The following DHTKD1 variants were observed in gnomAD, a reference collection of about 807,000 sequenced individuals.
The protein encoded by DHTKD1 is 2-oxoadipate dehydrogenase complex component E1.
DHTKD1 carries 78 observed loss-of-function variants against 101.8 expected under a neutral mutation model. The observed-to-expected ratio is 0.77, with a 90% CI of 0.64 to 0.93. The LOEUF (loss-of-function observed/expected upper bound fraction) is 0.93. Among genes scored for constraint, DHTKD1 ranks in the 40% least tolerant of loss-of-function variants. The pLI, the probability that DHTKD1 is intolerant of heterozygous loss-of-function variation, is 0.00. For missense variants in DHTKD1, 1,223 were observed against 1,161.7 expected (o/e 1.05, Z -0.77); for synonymous variants, 462 against 450.3 (o/e 1.03, Z -0.33).
rs1342282640 is a variant in DHTKD1 at position 12,097,896 on chromosome 10, C to T, written c.1571C>T (p.Thr524Ile). 1 of 1,614,092 alleles carries T rather than the reference C, an allele frequency of 6.2e-7. No individual in the cohort carries two copies. ...QPEAQITTWS[T>I]GVPLDLLRFV... ...GAAGCGCAAATCACCACCTGGAGTA[C>T]AGGTGTGCCCCTCGACCTCCTGCGG... Residue 524 changes from threonine to isoleucine, a missense_variant, in exon 8 of 17, where the codon ACA becomes ATA. Coordinates refer to ENST00000263035, the MANE Select transcript of DHTKD1 (RefSeq NM_018706.7).
At chr10:12,106,152 C>G (rs575031270) in intron 10 of DHTKD1, 94 bp from the exon 11 acceptor site, 5 of 1,310,642 alleles carry the variant, frequency 3.8e-6, no homozygotes, top group Non-Finnish European at 5.4e-6. Context: ...GCAAGGCTCC[C>G]TCTCCGCACC....
intron 1 of DHTKD1, 75 bp downstream of exon 1, chr10:12,069,262 T>G: frequency 1.0e-5 from 11 of 1,055,598 alleles, no homozygotes; most frequent in Admixed American, 3.9e-5. Context: ...TGCGGTGGGG[T>G]GTCGGGGTCG....
chr10:12,070,254 C>T lies in DHTKD1; in HGVS notation c.154+1067C>T, dbSNP rs183785637. ...AGACTAATTTTGAGTATTTGGTTTA[C>T]GCTCCAAAATTATTGTATCATTATT... On this transcript the variant is annotated intron_variant, in intron 1 of 16. Coordinates refer to ENST00000263035, the MANE Select transcript of DHTKD1 (RefSeq NM_018706.7). Among the ~76,000 whole-genome samples the T allele has an allele frequency of 1.1e-4, 17 of 152,226 alleles. No homozygotes were observed. In the South Asian group the frequency reaches 1.2e-3, roughly 11 times the overall value.
chr10:12,090,409 TTTCC>T (rs1459283547), intron 5 of DHTKD1, among the ~76,000 whole-genome samples: 2 of 16,062 alleles, frequency 1.2e-4, no homozygotes, highest in East Asian at 1.4e-3. Flanking sequence ...TCCTTCCTTT[TTTCC>T]TTCCTTCCTT....
At position 12,093,923 on chromosome 10, in the gene DHTKD1, C is replaced by A. The variant is rs879165011; in HGVS notation, c.1160-150C>A. ...CAATAAGTCCCAGAGTTGGAACTTG[C>A]CAGCTGGTCTCCAAAGCTGGGGTTG... On this transcript the variant is annotated intron_variant, in intron 6 of 16. Coordinates refer to ENST00000263035, the MANE Select transcript of DHTKD1 (RefSeq NM_018706.7). 6.1e-5 allele frequency: 41 copies of A among 677,578 alleles called. 1 individual carries two copies. In the South Asian group the frequency reaches 6.7e-4, roughly 11 times the overall value. The allele number at this position is 677,578 out of a possible 1,614,324, so 42.0% of individuals were successfully genotyped here.
chr10:12,116,821 T>C (rs1482354988), intron 13 of DHTKD1, among the ~76,000 whole-genome samples: 2 of 151,858 alleles, frequency 1.3e-5, no homozygotes, highest in Non-Finnish European at 2.9e-5. Flanking sequence ...CACCTCATCC[T>C]CCTGAGTAGC....
chr10:12,104,509 A>C (rs979468220), intron 10 of DHTKD1, among the ~76,000 whole-genome samples: 1 of 152,202 alleles, frequency 6.6e-6, no homozygotes, highest in Non-Finnish European at 1.5e-5. Context: ...ATATTCTATA[A>C]AGATGTAGCT....
chr10:12,069,866 G>A (rs12264661), intron 1 of DHTKD1, among the ~76,000 whole-genome samples: 1 of 151,758 alleles, frequency 6.6e-6, no homozygotes, highest in African/African-American at 2.4e-5. Context: ...ATGAGGCGGA[G>A]CTGTGGGAGA....
At chr10:12,092,486 C>A (rs975210544) in intron 6 of DHTKD1, among the ~76,000 whole-genome samples, 9 of 151,984 alleles carry the variant, frequency 5.9e-5, no homozygotes, top group African/African-American at 2.2e-4. Flanking sequence ...AACCACTAAA[C>A]TTGGTGAAAT....
chr10:12,118,222 T>A (rs1237992841), intron 14 of DHTKD1, among the ~76,000 whole-genome samples: 1 of 151,254 alleles, frequency 6.6e-6, no homozygotes, highest in Non-Finnish European at 1.5e-5. Flanking sequence ...GTCAGTGGAG[T>A]ATGAGTTAAG....
rs1833143281 is a variant in DHTKD1 at position 12,100,287 on chromosome 10, G to GTTTTTTTGTTTTTTTTTT, written c.1756+32_1756+33insGTTTTTTTTTTTTTTTTT. On this transcript the variant is annotated intron_variant, in intron 9 of 16. Coordinates refer to ENST00000263035, the MANE Select transcript of DHTKD1 (RefSeq NM_018706.7). ...GGTAAGAATTTTCTTTTTTTTTTCT[G>GTTTTTTTGTTTTTTTTTT]TTTTTTTTTTTTTTGAGTCTCACCC... 2.6e-5 allele frequency: 7 copies of GTTTTTTTGTTTTTTTTTT among 272,276 alleles called. 1 individual carries two copies. The highest frequency in any genetic ancestry group is 4.3e-5 in the Non-Finnish European group (7 of 164,372). The allele number at this position is 272,276 out of a possible 1,614,324, so 16.9% of individuals were successfully genotyped here.
intron 10 of DHTKD1, among the ~76,000 whole-genome samples, chr10:12,104,211 C>T (rs562114946): frequency 7.4e-4 from 112 of 152,292 alleles, no homozygotes; most frequent in Admixed American, 3.1e-3. Flanking sequence ...CCAAGTCTTG[C>T]TCTGTTGCCC....
rs143069945 is a variant in DHTKD1, at chr10:12,089,048, C to T, written c.780C>T (p.Asp260=). The T allele has an allele frequency of 2.9e-5, 47 of 1,613,722 alleles. No individual in the cohort carries two copies. Among genetic ancestry groups the T allele is most frequent in the South Asian group, 2.2e-4 (20 of 91,084 alleles). The change falls in exon 5 of 17, where the codon GAC becomes GAT. Residue 260 remains aspartate (D), a synonymous_variant. Coordinates refer to ENST00000263035, the MANE Select transcript of DHTKD1 (RefSeq NM_018706.7). ...EFPENFSATG[D]VLSHLTSSVD... is the part of the protein sequence containing the mutation. ...CAGAGAATTTCTCAGCCACTGGAGA[C>T]GTCCTGTCTCACCTGACCTCCTCTG...
At chr10:12,094,301 C>T (rs758731841) in intron 7 of DHTKD1, 30 bp downstream of exon 7, 2 of 1,582,266 alleles carry the variant, frequency 1.3e-6, no homozygotes, top group East Asian at 2.2e-5. Flanking sequence ...TGTGATATGC[C>T]CCCTAAAAAT....
chr10:12,076,819 C>T lies in DHTKD1; in HGVS notation c.155-4653C>T, dbSNP rs550885685. Among the ~76,000 whole-genome samples, 426 of 151,892 alleles carry T rather than the reference C, an allele frequency of 2.8e-3. 5 individuals are homozygous for T. The highest frequency in any genetic ancestry group is 8.3e-3 in the African/African-American group (345 of 41,480). On this transcript the variant is annotated intron_variant, in intron 1 of 16. Coordinates refer to ENST00000263035, the MANE Select transcript of DHTKD1 (RefSeq NM_018706.7). Reference sequence around the variant, plus strand: ...GACTACAGGTGCCCGCCACCACGCCCGGCTAATTTTTTGTATTTTTAGTAG... The same window carrying T: ...GACTACAGGTGCCCGCCACCACGCCTGGCTAATTTTTTGTATTTTTAGTAG...
intron 3 of DHTKD1, 23 bp downstream of exon 3, chr10:12,084,774 G>T (rs1832873977): frequency 6.2e-7 from 1 of 1,608,680 alleles, no homozygotes; most frequent in African/African-American, 1.3e-5. Flanking sequence ...ATCTAGGCCG[G>T]GCACGGTGGC....
Position 12,089,240 on chromosome 10 carries a change from G to T in DHTKD1, c.972G>T (p.Arg324Ser). ...ACAACTCAGCCCAGCCGGGGGACAG[G>T]GTCATTTGCTTACAGGTACTTGGAG... is the stretch of plus-strand genomic sequence containing the variant. ...SPDNSAQPGD[R>S]VICLQVHGDA... is the part of the protein sequence containing the mutation. Residue 324 changes from arginine (R) to serine (S), a missense_variant, in exon 5 of 17, where the codon AGG (arginine) becomes AGT (serine). By Grantham distance (110) the Arg-to-Ser change is moderately radical (BLOSUM62 -1). Transcript: ENST00000263035. 1 of 1,613,992 alleles carries T rather than the reference G, an allele frequency of 6.2e-7. No individual in the cohort carries two copies. The highest frequency in any genetic ancestry group is 2.2e-5 in the East Asian group (1 of 44,884).
intron 1 of DHTKD1, 112 bp from the exon 2 acceptor site, chr10:12,081,360 T>TA: frequency 5.1e-5 from 38 of 752,382 alleles, no homozygotes; most frequent in East Asian, 1.2e-4. Context: ...AATAAATAAA[T>TA]AAATAAAAAG....
rs144090278 is a variant in DHTKD1 at position 12,082,907 on chromosome 10, C to T, written c.310+1280C>T. On this transcript the variant is annotated intron_variant, in intron 2 of 16. Transcript: ENST00000263035. ...ATCCCAGCATTTTGGGAGGCCGAGG[C>T]GGGCAGATCACGAGGTCAGGAGATT... is the stretch of plus-strand genomic sequence containing the variant. 4.3e-3 allele frequency among the ~76,000 whole-genome samples: 657 copies of T among 151,948 alleles called. 7 individuals are homozygous for T. Among genetic ancestry groups the T allele is most frequent in the African/African-American group, 0.012 (491 of 41,446 alleles).
Sources: gnomAD v4.1 joint callset for allele counts (sites outside exome capture counted in the v4.1 genomes callset) on GRCh38, gnomAD v4.1.1 for gene constraint, MANE v1.5 for transcripts, NCBI Gene and HGNC (gene_info 2026-07-23, HGNC 2026-07-21) for gene names.